The following GRID2 variants were observed in gnomAD, a reference collection of about 807,000 sequenced individuals.
The protein encoded by GRID2 is glutamate ionotropic receptor delta type subunit 2.
In GRID2, 33 loss-of-function variants were observed where a neutral mutation model predicts 114.8. The observed-to-expected ratio is 0.29, with a 90% confidence interval of 0.22 to 0.38. The LOEUF (loss-of-function observed/expected upper bound fraction) is 0.38. GRID2 is among the 10% of genes least tolerant of loss of function. The probability of loss-of-function intolerance (pLI) is 1.00; values close to 1 mark genes in which losing one functional copy is unlikely to be tolerated. For synonymous variants in GRID2, 505 were observed against 449.9 expected (o/e 1.12, Z -1.55); for missense variants, 1,184 against 1,257.7 (o/e 0.94, Z 0.89).
chr4:93,095,010 TA>T (rs1731080131), intron 3 of GRID2, among the ~76,000 whole-genome samples: 1 of 151,828 alleles, frequency 6.6e-6, no homozygotes, highest in Non-Finnish European at 1.5e-5. Flanking sequence ...ACACAAAGTG[TA>T]AGAAAATAAA....
Position 92,713,470 on chromosome 4 carries a change from CATATACATATATATATATAT to C in GRID2, c.244+123190_244+123209del, listed in dbSNP as rs1392646887. Among the ~76,000 whole-genome samples the C allele has an allele frequency of 5.3e-3, 398 of 74,868 alleles. 3 individuals are homozygous for C. Among genetic ancestry groups the C allele is most frequent in the Middle Eastern group, 7.7e-3 (1 of 130 alleles). The allele number at this position is 74,868 out of a possible 152,430, so 49.1% of individuals were successfully genotyped here. A position where few individuals can be genotyped will look rare whatever the true frequency, so the allele number is the denominator to read the frequency against. On this transcript the variant is annotated intron_variant, in intron 2 of 15. Transcript: ENST00000282020. ...GACAGTTTACATATATTTACATATA[CATATACATATATATATATAT>C]ATATATATATATATATATATATATA...
chr4:92,416,548 A>C (rs952808905), intron 1 of GRID2, among the ~76,000 whole-genome samples: 2 of 152,132 alleles, frequency 1.3e-5, no homozygotes, highest in African/African-American at 4.8e-5. Context: ...TCTTAGATTT[A>C]AGTTTGTGAT....
chr4:92,515,927 TA>T (rs1179211419), intron 1 of GRID2, among the ~76,000 whole-genome samples: 1 of 151,936 alleles, frequency 6.6e-6, no homozygotes, highest in Non-Finnish European at 1.5e-5. Context: ...TAGATTTTTT[TA>T]AAAAATTGAT....
chr4:93,531,682 G>A (rs1209704624), intron 13 of GRID2, among the ~76,000 whole-genome samples: 1 of 151,932 alleles, frequency 6.6e-6, no homozygotes, highest in Non-Finnish European at 1.5e-5. Flanking sequence ...GCCAACATTG[G>A]TGTAAGCAAT....
In GRID2 at chr4:93,238,425, C is replaced by T; in HGVS notation, c.1180C>T (p.Pro394Ser). ...ELEFGENGGN[P>S]NVHFEILGTN... ...AGAATTTGGAGAAAATGGAGGCAAT[C>T]CCAATGTCCACTTTGAAATCCTTGG... Residue 394 changes from proline to serine, a missense_variant, in exon 8 of 16, where the codon CCC becomes TCC. Transcript: ENST00000282020. 1 of 1,607,058 alleles carries T rather than the reference C, an allele frequency of 6.2e-7. No homozygotes were observed. The highest frequency in any genetic ancestry group is 8.5e-7 in the Non-Finnish European group (1 of 1,174,294).
rs550383282 is a variant in GRID2, at chr4:92,910,993, G to C, written c.245-174002G>C. ...ATTTGTTATACTAGTTTCTGATACA[G>C]TTGATATAGTTTGAATAGAGTACAA... On this transcript the variant is annotated intron_variant, in intron 2 of 15. Transcript: ENST00000282020. Among the ~76,000 whole-genome samples the C allele has an allele frequency of 1.2e-4, 18 of 152,130 alleles. No individual in the cohort carries two copies. The South Asian group carries it at 3.7e-3, about 32-fold the overall frequency.
At chr4:92,671,878 T>C (rs1328290594) in intron 2 of GRID2, among the ~76,000 whole-genome samples, 1 of 152,160 alleles carries the variant, frequency 6.6e-6, no homozygotes, top group Non-Finnish European at 1.5e-5. Flanking sequence ...CTGTAATATC[T>C]TTCCAGAACC....
chr4:92,721,845 A>G (rs957595685), intron 2 of GRID2, among the ~76,000 whole-genome samples: 1 of 152,196 alleles, frequency 6.6e-6, no homozygotes, highest in Non-Finnish European at 1.5e-5. Flanking sequence ...GCCCTAAACT[A>G]TATGGTGAAC....
intron 14 of GRID2, among the ~76,000 whole-genome samples, chr4:93,729,981 G>A (rs1328241714): frequency 6.6e-6 from 1 of 152,068 alleles, no homozygotes; most frequent in African/African-American, 2.4e-5. Flanking sequence ...GCCTAATACA[G>A]AGCCTGGCAC....
In GRID2 at chr4:93,605,812, A is replaced by T. The variant is rs114020556; in HGVS notation, c.2194-20457A>T. 3.9e-3 allele frequency among the ~76,000 whole-genome samples: 590 copies of T among 152,344 alleles called. 2 individuals carry two copies. The highest frequency in any genetic ancestry group is 0.014 in the African/African-American group (566 of 41,576). Reference sequence around the variant, plus strand: ...AGTCAAAAGAGGTAAGTATAATGCAATGTGCTAAAATGCTGCTTTAGGAGT... The same window carrying T: ...AGTCAAAAGAGGTAAGTATAATGCATTGTGCTAAAATGCTGCTTTAGGAGT... On this transcript the variant is annotated intron_variant, in intron 13 of 15. Transcript: ENST00000282020.
chr4:93,799,932 T>C (rs1289810985), intron 1 of GRID2, among the ~76,000 whole-genome samples: 2 of 152,222 alleles, frequency 1.3e-5, no homozygotes, highest in Admixed American at 6.5e-5. Flanking sequence ...ATTTTATTCA[T>C]GAATCAAATA....
intron 14 of GRID2, among the ~76,000 whole-genome samples, chr4:93,761,114 G>A (rs942455379): frequency 7.9e-5 from 12 of 152,132 alleles, no homozygotes; most frequent in African/African-American, 1.9e-4. Flanking sequence ...CTCTCTCAGC[G>A]TGGTGAAATG....
At chr4:93,528,285 G>A (rs1441879622) in intron 13 of GRID2, among the ~76,000 whole-genome samples, 2 of 151,836 alleles carry the variant, frequency 1.3e-5, no homozygotes, top group Non-Finnish European at 2.9e-5. Flanking sequence ...ATTATCTTGG[G>A]TATATATCCA....
intron 2 of GRID2, among the ~76,000 whole-genome samples, chr4:92,945,859 A>G (rs750379588): frequency 1.3e-5 from 2 of 151,982 alleles, no homozygotes; most frequent in Non-Finnish European, 2.9e-5. Context: ...CAACCCTCTA[A>G]GTGTATTTTA....
At chr4:92,640,279 T>C (rs564806739) in intron 2 of GRID2, among the ~76,000 whole-genome samples, 11 of 151,952 alleles carry the variant, frequency 7.2e-5, no homozygotes, top group Admixed American at 5.9e-4. Context: ...TTTAATCTTA[T>C]ATAAAAAGCT....
rs764110805 is a variant in GRID2, at chr4:92,629,099, C to T, written c.244+38813C>T. On this transcript the variant is annotated intron_variant, in intron 2 of 15. Coordinates refer to ENST00000282020, the MANE Select transcript of GRID2 (RefSeq NM_001510.4). ...AATAGTGAAAAAACGATACAAAATA[C>T]GGAATAGTAAATATTCCATCATGTC... Among the ~76,000 whole-genome samples the T allele has an allele frequency of 5.3e-5, 8 of 151,672 alleles. No homozygotes were observed. In the East Asian group the frequency reaches 7.8e-4, roughly 15 times the overall value.
intron 2 of GRID2, among the ~76,000 whole-genome samples, chr4:92,716,996 G>A (rs1735583532): frequency 6.6e-6 from 1 of 152,140 alleles, no homozygotes; most frequent in Admixed American, 6.6e-5. Flanking sequence ...ATAGCTCCAT[G>A]ACTTAGTTCC....
At chr4:92,904,338 TA>T (rs1175961061) in intron 2 of GRID2, among the ~76,000 whole-genome samples, 1 of 149,748 alleles carries the variant, frequency 6.7e-6, no homozygotes, top group African/African-American at 2.4e-5. Flanking sequence ...AAATAAATAA[TA>T]AAATAAATAA....
chr4:92,379,935 C>T (rs1435765198), intron 1 of GRID2, among the ~76,000 whole-genome samples: 1 of 151,918 alleles, frequency 6.6e-6, no homozygotes, highest in African/African-American at 2.4e-5. Flanking sequence ...CCAGGCTGCA[C>T]AAATAATAAT....
Sources: gnomAD v4.1 joint callset for allele counts (sites outside exome capture counted in the v4.1 genomes callset) on GRCh38, gnomAD v4.1.1 for gene constraint, MANE v1.5 for transcripts, NCBI Gene and HGNC (gene_info 2026-07-23, HGNC 2026-07-21) for gene names.